The following FBXW8 variants were observed in gnomAD, a reference collection of about 807,000 sequenced individuals.
FBXW8 encodes the protein F-box/WD repeat-containing protein 8.
A neutral mutation model predicts 65.3 loss-of-function variants in FBXW8; 57 were observed. The observed-to-expected ratio is 0.87, with a 90% CI of 0.71 to 1.09. FBXW8 has a LOEUF of 1.09. Ranked by LOEUF, FBXW8 falls within the 50% of genes least tolerant of loss-of-function variation. FBXW8 has a pLI of 0.00. For synonymous variants in FBXW8, 308 were observed against 330.2 expected (o/e 0.93, Z 0.73); for missense variants, 777 against 814.8 (o/e 0.95, Z 0.57).
chr12:116,938,507 TTG>T (rs780327881), intron 2 of FBXW8, among the ~76,000 whole-genome samples: 2 of 152,206 alleles, frequency 1.3e-5, no homozygotes, highest in Non-Finnish European at 2.9e-5. Flanking sequence ...AAATTTCAGA[TTG>T]TGTTATTTAA....
chr12:117,012,661 T>C (rs1592958094), intron 8 of FBXW8, among the ~76,000 whole-genome samples: 1 of 152,220 alleles, frequency 6.6e-6, no homozygotes. Flanking sequence ...GTATAGCTTA[T>C]GTTTTATGTC....
chr12:116,915,240 T>C (rs1371711328), intron 1 of FBXW8, among the ~76,000 whole-genome samples: 1 of 152,222 alleles, frequency 6.6e-6, no homozygotes, highest in East Asian at 1.9e-4. Context: ...ACATTAGGTC[T>C]TTTCTCCCAG....
At chr12:116,940,621 G>A (rs541236176) in intron 2 of FBXW8, among the ~76,000 whole-genome samples, 18 of 151,914 alleles carry the variant, frequency 1.2e-4, no homozygotes, top group African/African-American at 4.1e-4. Flanking sequence ...GTTTTAAGCT[G>A]ATTAGCAATC....
chr12:116,989,082 A>C (rs1276289005), intron 7 of FBXW8, among the ~76,000 whole-genome samples: 1 of 152,222 alleles, frequency 6.6e-6, no homozygotes, highest in African/African-American at 2.4e-5. Flanking sequence ...GCACAGAAGA[A>C]ACTATTAACA....
rs148572734 is a variant in FBXW8 at position 117,001,548 on chromosome 12, T to C, written c.1240-8775T>C. On this transcript the variant is annotated intron_variant, in intron 7 of 10. Transcript: ENST00000652555. ...TAACCTTTTCATTTTCAAAATAGTA[T>C]GCAAGTTGCCTTTAATTTTAAAGAG... Among the ~76,000 whole-genome samples the C allele has an allele frequency of 1.3e-4, 20 of 152,362 alleles. No individual in the cohort carries two copies. The East Asian group carries it at 3.7e-3, about 28-fold the overall frequency.
chr12:116,977,697 C>G (rs1444637715), intron 5 of FBXW8: 1 of 152,222 alleles, frequency 6.6e-6, no homozygotes, highest in Non-Finnish European at 1.5e-5. Context: ...TCTGAGGCTG[C>G]ATGCACAGTG....
At chr12:116,937,305 A>G (rs1007483334) in intron 2 of FBXW8, among the ~76,000 whole-genome samples, 1 of 152,314 alleles carries the variant, frequency 6.6e-6, no homozygotes, top group East Asian at 1.9e-4. Context: ...TGTCAGCCAC[A>G]TTGATGGTAT....
chr12:116,953,373 G>C (rs1260276640), intron 4 of FBXW8, among the ~76,000 whole-genome samples: 1 of 152,208 alleles, frequency 6.6e-6, no homozygotes, highest in African/African-American at 2.4e-5. Context: ...CACAGGCAGG[G>C]CTGGCTGGTG....
intron 5 of FBXW8, chr12:116,977,945 A>G (rs766321669): frequency 6.6e-6 from 1 of 152,146 alleles, no homozygotes; most frequent in Non-Finnish European, 1.5e-5. Context: ...GCTACTAAAT[A>G]TATTCAATCT....
chr12:116,920,166 T>G (rs1044520344), intron 1 of FBXW8, among the ~76,000 whole-genome samples: 1 of 152,192 alleles, frequency 6.6e-6, no homozygotes, highest in South Asian at 2.1e-4. Context: ...TTCCCCCAAC[T>G]AAAAAGTTCT....
At chr12:116,955,416 C>T (rs1022379740) in intron 4 of FBXW8, among the ~76,000 whole-genome samples, 1 of 152,230 alleles carries the variant, frequency 6.6e-6, no homozygotes, top group Admixed American at 6.5e-5. Context: ...AGTCACCAGT[C>T]TCTACAGAAT....
intron 1 of FBXW8, among the ~76,000 whole-genome samples, chr12:116,913,257 C>T (rs1206621389): frequency 6.6e-6 from 1 of 152,200 alleles, no homozygotes; most frequent in African/African-American, 2.4e-5. Flanking sequence ...CCATTTGTAA[C>T]ACCTTAGAGG....
At chr12:116,917,830 A>C (rs1411939233) in intron 1 of FBXW8, among the ~76,000 whole-genome samples, 1 of 152,038 alleles carries the variant, frequency 6.6e-6, no homozygotes, top group Non-Finnish European at 1.5e-5. Flanking sequence ...GTCTCTACTA[A>C]AAAATACAAT....
chr12:116,945,620 A>G (rs1565908021), intron 3 of FBXW8, 92 bp downstream of exon 3: 11 of 1,315,198 alleles, frequency 8.4e-6, no homozygotes, highest in Non-Finnish European at 1.1e-5. Flanking sequence ...ATTAATTGCC[A>G]ACAGCGAAGG....
intron 8 of FBXW8, among the ~76,000 whole-genome samples, chr12:117,015,329 C>T (rs1169100320): frequency 6.6e-6 from 1 of 152,080 alleles, no homozygotes; most frequent in Non-Finnish European, 1.5e-5. Flanking sequence ...TGTGTTTTGT[C>T]CATAGGTTTT....
At chr12:116,916,687 C>T (rs566780088) in intron 1 of FBXW8, among the ~76,000 whole-genome samples, 1 of 152,198 alleles carries the variant, frequency 6.6e-6, no homozygotes, top group Admixed American at 6.5e-5. Flanking sequence ...CACCTTAGCC[C>T]AGGAGTTTGA....
chr12:117,021,148 T>C (rs746976732), intron 8 of FBXW8, among the ~76,000 whole-genome samples: 3 of 152,244 alleles, frequency 2.0e-5, no homozygotes, highest in Non-Finnish European at 2.9e-5. Flanking sequence ...TACCAAACTT[T>C]ACCTTTGCTG....
rs184023759 is a variant in FBXW8 at position 116,988,548 on chromosome 12, G to A, written c.1033-115G>A. 13 of 852,500 alleles carry A rather than the reference G, an allele frequency of 1.5e-5. No individual in the cohort carries two copies. The East Asian group carries it at 2.4e-4, about 16-fold the overall frequency. The allele number at this position is 852,500 out of a possible 1,614,324, so 52.8% of individuals were successfully genotyped here. On this transcript the variant is annotated intron_variant, in intron 6 of 10. Coordinates refer to ENST00000652555, the MANE Select transcript of FBXW8 (RefSeq NM_153348.3). The stretch of plus-strand genomic sequence containing the variant: ...TTCATTTCCTGTGAGTGTTTCATTT[G>A]CCCATCTTTTTCTGTTGGGTTGCTG...
At chr12:117,020,993 T>C (rs971198351) in intron 8 of FBXW8, among the ~76,000 whole-genome samples, 3 of 152,206 alleles carry the variant, frequency 2.0e-5, no homozygotes, top group Non-Finnish European at 2.9e-5. Context: ...CGAAGTGGAA[T>C]TGCCGGCTCA....
Sources: allele counts gnomAD v4.1 joint callset (sites outside exome capture counted in the v4.1 genomes callset), GRCh38; gene constraint gnomAD v4.1.1; transcripts MANE v1.5; gene names NCBI Gene and HGNC (gene_info 2026-07-23, HGNC 2026-07-21).